BRD10: variants seen among roughly 807,000 people sequenced by gnomAD.
BRD10 encodes the protein bromodomain containing 10.
chr9:5,936,877 T>C, the BRD10 span, among the ~76,000 whole-genome samples: 2 of 152,204 alleles, frequency 1.3e-5, no homozygotes, highest in African/African-American at 4.8e-5. Flanking sequence ...ATTGGGACTT[T>C]GAAAAATGTT....
At chr9:5,953,892 T>C in the BRD10 span, 6 of 666,204 alleles carry the variant, frequency 9.0e-6, no homozygotes, top group Non-Finnish European at 1.3e-5. Context: ...AAAGTCACTG[T>C]CAGAAACATT....
At chr9:5,911,022 C>T in the BRD10 span, among the ~76,000 whole-genome samples, 1 of 152,184 alleles carries the variant, frequency 6.6e-6, no homozygotes, top group African/African-American at 2.4e-5. Context: ...GTTTCCTTTG[C>T]TGTGCAGAAG....
the BRD10 span, chr9:5,909,881 C>T: frequency 2.0e-5 from 3 of 152,202 alleles, no homozygotes; most frequent in Non-Finnish European, 4.4e-5. Context: ...GCTACATCAA[C>T]GTATCACCTA....
the BRD10 span, among the ~76,000 whole-genome samples, chr9:5,996,455 A>T: frequency 6.6e-6 from 1 of 152,092 alleles, no homozygotes; most frequent in Non-Finnish European, 1.5e-5. Flanking sequence ...AGTAGCTAAG[A>T]TTACAAGCAT....
chr9:5,886,746 G>T, the BRD10 span, among the ~76,000 whole-genome samples: 5 of 152,208 alleles, frequency 3.3e-5, no homozygotes, highest in Admixed American at 6.5e-5. Flanking sequence ...GAGACTAAGA[G>T]CCTAGTTAGA....
At chr9:5,970,381 A>G in the BRD10 span, among the ~76,000 whole-genome samples, 5 of 152,156 alleles carry the variant, frequency 3.3e-5, no homozygotes, top group Non-Finnish European at 1.5e-5. Context: ...CAGTGTTGCA[A>G]AAGTAAATAA....
At chr9:5,925,024 G>C in the BRD10 span, among the ~76,000 whole-genome samples, 1 of 152,138 alleles carries the variant, frequency 6.6e-6, no homozygotes. Context: ...CAGGAAGACA[G>C]AACCTATGGT....
the BRD10 span, among the ~76,000 whole-genome samples, chr9:6,004,374 T>G: frequency 6.6e-6 from 1 of 152,226 alleles, no homozygotes; most frequent in Non-Finnish European, 1.5e-5. Flanking sequence ...ACTTAAATAC[T>G]TGCACAATTA....
chr9:6,006,741 G>T, the BRD10 span, among the ~76,000 whole-genome samples: 2 of 152,276 alleles, frequency 1.3e-5, no homozygotes, highest in South Asian at 4.2e-4. Flanking sequence ...GGTAGTAAAT[G>T]ATAAAATTAT....
chr9:5,999,190 T>C, the BRD10 span, among the ~76,000 whole-genome samples: 1 of 152,058 alleles, frequency 6.6e-6, no homozygotes, highest in African/African-American at 2.4e-5. Flanking sequence ...GTATTTAACA[T>C]ATTTTTTTCC....
chr9:5,922,419 C>G, the BRD10 span: 2 of 1,613,984 alleles, frequency 1.2e-6, no homozygotes, highest in Admixed American at 3.3e-5. Context: ...AAGTTACTTA[C>G]AGAGGTTACA....
chr9:5,914,410 GTTTTTTTTTTTTTTTTTT>G, the BRD10 span, among the ~76,000 whole-genome samples: 23 of 75,494 alleles, frequency 3.0e-4, no homozygotes, highest in African/African-American at 9.4e-4. Context: ...AATCCAGATG[GTTTTTTTTTTTTTTTTTT>G]TTTTTTTTTT....
the BRD10 span, among the ~76,000 whole-genome samples, chr9:5,927,968 C>T: frequency 6.6e-6 from 1 of 152,188 alleles, no homozygotes; most frequent in Non-Finnish European, 1.5e-5. Context: ...TACTGAACTG[C>T]TTATTCAATA....
the BRD10 span, among the ~76,000 whole-genome samples, chr9:5,988,158 A>C: frequency 2.6e-5 from 4 of 152,232 alleles, no homozygotes; most frequent in South Asian, 8.3e-4. Context: ...ATTTTTGTAT[A>C]GCTTCAAGAT....
At chr9:5,975,729 TAGAAG>T in the BRD10 span, among the ~76,000 whole-genome samples, 8 of 152,158 alleles carry the variant, frequency 5.3e-5, no homozygotes, top group South Asian at 6.2e-4. Flanking sequence ...AGTATATACT[TAGAAG>T]AGAAGAGATG....
chr9:5,997,441 G>GTT, the BRD10 span, among the ~76,000 whole-genome samples: 80 of 149,236 alleles, frequency 5.4e-4, no homozygotes, highest in East Asian at 2.3e-3. Context: ...GAAAAAATGG[G>GTT]TTTTTTTTTT....
chr9:5,930,303 T>C, the BRD10 span, among the ~76,000 whole-genome samples: 3 of 149,606 alleles, frequency 2.0e-5, no homozygotes, highest in Admixed American at 2.0e-4. Flanking sequence ...GGTGGAAAAA[T>C]TACCACTATC....
the BRD10 span, among the ~76,000 whole-genome samples, chr9:5,975,867 G>C: frequency 6.6e-6 from 1 of 152,140 alleles, no homozygotes; most frequent in African/African-American, 2.4e-5. Context: ...GGTTAAAAAT[G>C]AGACAGAGCT....
chr9:5,955,802 T>A, the BRD10 span, among the ~76,000 whole-genome samples: 13 of 152,222 alleles, frequency 8.5e-5, no homozygotes, highest in African/African-American at 3.1e-4. Flanking sequence ...AACAGAAGTA[T>A]ACTCCTACAA....
Sources: gnomAD v4.1 joint callset for allele counts (sites outside exome capture counted in the v4.1 genomes callset) on GRCh38, gnomAD v4.1.1 for gene constraint, MANE v1.5 for transcripts, NCBI Gene and HGNC (gene_info 2026-07-23, HGNC 2026-07-21) for gene names.